The following MAD1L1 variants were observed in gnomAD, a reference collection of about 807,000 sequenced individuals.
The protein encoded by MAD1L1 is mitotic spindle assembly checkpoint protein MAD1.
A neutral mutation model predicts 96.9 loss-of-function variants in MAD1L1; 95 were observed. The ratio of observed to expected loss-of-function variants is 0.98; its 90% CI spans 0.83 to 1.16. The LOEUF (loss-of-function observed/expected upper bound fraction) is 1.16. Ranked by LOEUF, MAD1L1 falls within the 50% of genes most tolerant of loss-of-function variation. The probability of loss-of-function intolerance (pLI) is 0.00; values close to 1 mark genes in which losing one functional copy is unlikely to be tolerated. For synonymous variants in MAD1L1, 473 were observed against 396.6 expected, an observed-to-expected ratio of 1.19 and a Z score of -2.29; for missense variants, 1,007 against 954.4, an observed-to-expected ratio of 1.06 and a Z score of -0.73.
At chr7:2,087,648 C>G (rs776257165) in intron 11 of MAD1L1, among the ~76,000 whole-genome samples, 1 of 152,212 alleles carries the variant, frequency 6.6e-6, no homozygotes, top group Non-Finnish European at 1.5e-5. Flanking sequence ...TCCACTGACC[C>G]AGGCCTGGCA....
intron 18 of MAD1L1, among the ~76,000 whole-genome samples, chr7:1,884,322 C>A (rs554802604): frequency 3.9e-5 from 6 of 152,352 alleles, no homozygotes; most frequent in Non-Finnish European, 5.9e-5. Flanking sequence ...CACCAGTGCA[C>A]CCCTAGCCAC....
chr7:1,832,638 G>GAA (rs59541259), intron 18 of MAD1L1, among the ~76,000 whole-genome samples: 2 of 20,938 alleles, frequency 9.6e-5, no homozygotes, highest in Non-Finnish European at 2.5e-4. Flanking sequence ...TTTGGCGGGG[G>GAA]GGGGGGGGGT....
intron 15 of MAD1L1, among the ~76,000 whole-genome samples, chr7:1,961,962 T>C (rs901780313): frequency 6.6e-6 from 1 of 151,878 alleles, no homozygotes; most frequent in East Asian, 1.9e-4. Context: ...TGGGAGATAA[T>C]GAATCACAGG....
At chr7:2,073,535 C>T (rs958255527) in intron 11 of MAD1L1, among the ~76,000 whole-genome samples, 1 of 152,194 alleles carries the variant, frequency 6.6e-6, no homozygotes, top group Non-Finnish European at 1.5e-5. Flanking sequence ...TCACCATCTC[C>T]CCGATCCGCT....
chr7:2,016,328 G>A (rs1489104786), intron 12 of MAD1L1, among the ~76,000 whole-genome samples: 2 of 152,244 alleles, frequency 1.3e-5, no homozygotes, highest in Non-Finnish European at 2.9e-5. Context: ...TGTGGGGACC[G>A]CCCCCACCAG....
At chr7:2,123,575 G>A (rs1562708985) in intron 11 of MAD1L1, among the ~76,000 whole-genome samples, 1 of 152,150 alleles carries the variant, frequency 6.6e-6, no homozygotes, top group Non-Finnish European at 1.5e-5. Context: ...GAGCACCCAG[G>A]AGGAGCCAGC....
intron 17 of MAD1L1, 115 bp downstream of exon 17, chr7:1,936,572 G>A (rs948595753): frequency 8.8e-7 from 1 of 1,133,702 alleles, no homozygotes; most frequent in African/African-American, 1.5e-5. Context: ...CACAGGGGAG[G>A]ACAAACCCTC....
chr7:1,837,422 C>A (rs193149346), intron 18 of MAD1L1, among the ~76,000 whole-genome samples: 1 of 152,200 alleles, frequency 6.6e-6, no homozygotes, highest in Non-Finnish European at 1.5e-5. Context: ...TAGGCGTACA[C>A]TGACCACACA....
At chr7:1,825,627 G>A (rs1782348305) in intron 18 of MAD1L1, among the ~76,000 whole-genome samples, 1 of 152,244 alleles carries the variant, frequency 6.6e-6, no homozygotes, top group African/African-American at 2.4e-5. Context: ...TCTTTGCGGT[G>A]CCCGTCTGAG....
intron 12 of MAD1L1, among the ~76,000 whole-genome samples, chr7:2,028,990 T>C (rs574299794): frequency 4.0e-5 from 6 of 151,670 alleles, no homozygotes; most frequent in African/African-American, 1.4e-4. Flanking sequence ...AGTGAAACCC[T>C]GGAACAACCT....
At chr7:2,071,922 C>G (rs1306945086) in intron 11 of MAD1L1, among the ~76,000 whole-genome samples, 1 of 152,224 alleles carries the variant, frequency 6.6e-6, no homozygotes, top group Admixed American at 6.5e-5. Flanking sequence ...GGCACGGACG[C>G]TCTGCACCCT....
chr7:1,853,367 A>G (rs1042004664), intron 18 of MAD1L1, among the ~76,000 whole-genome samples: 1 of 152,176 alleles, frequency 6.6e-6, no homozygotes, highest in African/African-American at 2.4e-5. Context: ...CCCTCTGGAA[A>G]GAGCGGAGGT....
intron 18 of MAD1L1, among the ~76,000 whole-genome samples, chr7:1,881,489 G>C (rs1035275298): frequency 6.6e-6 from 1 of 152,354 alleles, no homozygotes; most frequent in East Asian, 1.9e-4. Context: ...GATGATTGCT[G>C]AGATGCTTTG....
intron 13 of MAD1L1, among the ~76,000 whole-genome samples, chr7:2,008,637 G>A (rs1403408713): frequency 6.6e-6 from 1 of 152,218 alleles, no homozygotes; most frequent in African/African-American, 2.4e-5. Flanking sequence ...CTCGCAGGCA[G>A]GCCAGGCACT....
Position 1,816,010 on chromosome 7 carries a change from C to T in MAD1L1, c.*60G>A, listed in dbSNP as rs1222978583. 4 of 1,513,224 alleles carry T rather than the reference C, an allele frequency of 2.6e-6. No homozygotes were observed. The highest frequency in any genetic ancestry group is 3.5e-6 in the Non-Finnish European group (4 of 1,128,234). The allele number at this position is 1,513,224 out of a possible 1,614,324, so 93.7% of individuals were successfully genotyped here. On this transcript the variant is annotated 3_prime_UTR_variant, in exon 19 of 19. Coordinates refer to ENST00000265854, the MANE Select transcript of MAD1L1 (RefSeq NM_001013836.2). ...TGCACCCAGCCTGTGGCTGGCGGGGCAGGGGACCTGCAGGTCAGGCCAAGC... is the reference window on the plus strand; with the variant it reads ...TGCACCCAGCCTGTGGCTGGCGGGGTAGGGGACCTGCAGGTCAGGCCAAGC...
At chr7:1,914,927 ACT>A (rs750979105) in intron 17 of MAD1L1, among the ~76,000 whole-genome samples, 1 of 152,144 alleles carries the variant, frequency 6.6e-6, no homozygotes, top group Non-Finnish European at 1.5e-5. Context: ...GTGTTGAGTA[ACT>A]CAGTCAGTGC....
chr7:2,111,412 C>T (rs926945851), intron 11 of MAD1L1, among the ~76,000 whole-genome samples: 2 of 152,280 alleles, frequency 1.3e-5, no homozygotes, highest in African/African-American at 4.8e-5. Flanking sequence ...AGTCAAGGAG[C>T]GTGCCTCGGA....
At chr7:1,850,103 C>T (rs1783885094) in intron 18 of MAD1L1, among the ~76,000 whole-genome samples, 1 of 152,184 alleles carries the variant, frequency 6.6e-6, no homozygotes, top group Non-Finnish European at 1.5e-5. Flanking sequence ...TTTGTTCTCA[C>T]CACTCTCGTT....
At chr7:2,037,924 C>G (rs772327322) in intron 12 of MAD1L1, among the ~76,000 whole-genome samples, 4 of 152,138 alleles carry the variant, frequency 2.6e-5, no homozygotes, top group Non-Finnish European at 4.4e-5. Context: ...AAGGATTAAG[C>G]TTAGTGAGGA....
Sources: allele counts gnomAD v4.1 joint callset (sites outside exome capture counted in the v4.1 genomes callset), GRCh38; gene constraint gnomAD v4.1.1; transcripts MANE v1.5; gene names NCBI Gene and HGNC (gene_info 2026-07-23, HGNC 2026-07-21).